RUNX1: variants seen among roughly 807,000 people sequenced by gnomAD.
RUNX1 encodes runt-related transcription factor 1.
A neutral mutation model predicts 42.8 loss-of-function variants in RUNX1; 19 were observed. The observed-to-expected ratio is 0.44, with a 90% CI of 0.31 to 0.65. The LOEUF is 0.65. Ranked by LOEUF, RUNX1 falls within the 30% of genes least tolerant of loss-of-function variation. The pLI, the probability that RUNX1 is intolerant of heterozygous loss-of-function variation, is 0.07. For synonymous variants in RUNX1, 271 were observed against 289.4 expected (o/e 0.94, Z 0.64); for missense variants, 528 against 672.0 (o/e 0.79, Z 2.37).
chr21:34,933,998 A>G (rs911201327), intron 2 of RUNX1, among the ~76,000 whole-genome samples: 1 of 152,176 alleles, frequency 6.6e-6, no homozygotes, highest in African/African-American at 2.4e-5. Context: ...TGCAGGGGGA[A>G]TTAATACTGT....
At chr21:35,043,267 A>G (rs2059372881) in intron 2 of RUNX1, among the ~76,000 whole-genome samples, 1 of 152,196 alleles carries the variant, frequency 6.6e-6, no homozygotes. Context: ...CAAGAAAGAC[A>G]TACCTCTTTG....
chr21:34,874,384 T>G (rs1601503318), intron 5 of RUNX1, among the ~76,000 whole-genome samples: 1 of 145,086 alleles, frequency 6.9e-6, no homozygotes, highest in African/African-American at 2.6e-5. Flanking sequence ...CCAAGGCAGG[T>G]GGACCACCCG....
chr21:34,886,538 TACTTTGTATCAAAGCTAAGGCCCCTGCC>T (rs2057990379), intron 4 of RUNX1, among the ~76,000 whole-genome samples: 1 of 152,274 alleles, frequency 6.6e-6, no homozygotes, highest in African/African-American at 2.4e-5. Context: ...TAACTTTTCC[TACTTTGTATCAAAGCTAAGGCCCCTGCC>T]AGGGAGGTCC....
chr21:34,928,249 A>G (rs1477394115), intron 2 of RUNX1, among the ~76,000 whole-genome samples: 2 of 152,150 alleles, frequency 1.3e-5, no homozygotes, highest in Non-Finnish European at 2.9e-5. Flanking sequence ...CATTGTGGAA[A>G]TTTCTGTTGC....
chr21:34,887,258 T>TGGG, intron 3 of RUNX1, 162 bp from the exon 4 acceptor site: 1 of 261,170 alleles, frequency 3.8e-6, no homozygotes, highest in Non-Finnish European at 4.9e-6. Flanking sequence ...GGGGCGGGGG[T>TGGG]GGTTAGGGGA....
chr21:35,002,403 TTTATTTATTTATTTATTTATTTA>T (rs1356906679), intron 2 of RUNX1, among the ~76,000 whole-genome samples: 1 of 148,806 alleles, frequency 6.7e-6, no homozygotes, highest in African/African-American at 2.5e-5. Context: ...TATTTATTTA[TTTATTTATTTATTTATTTATTTA>T]TTATTTATTT....
At chr21:34,798,651 TTTC>T (rs2056565118) in intron 8 of RUNX1, among the ~76,000 whole-genome samples, 1 of 152,224 alleles carries the variant, frequency 6.6e-6, no homozygotes, top group Non-Finnish European at 1.5e-5. Flanking sequence ...TATACAGACT[TTTC>T]TTCTTGTCAT....
At chr21:34,883,748 G>C (rs2057940451) in intron 4 of RUNX1, among the ~76,000 whole-genome samples, 1 of 152,108 alleles carries the variant, frequency 6.6e-6, no homozygotes, top group African/African-American at 2.4e-5. Context: ...TACTGTTCTT[G>C]GCTAGCCTGT....
chr21:34,874,677 TA>T (rs11311421), intron 5 of RUNX1, among the ~76,000 whole-genome samples: 62,273 of 139,866 alleles, frequency 0.45, 16,752 homozygotes, highest in African/African-American at 0.79. Flanking sequence ...AATTTTTCCT[TA>T]AAAAAAAAAC....
chr21:34,911,253 A>C (rs1394541568), intron 2 of RUNX1, among the ~76,000 whole-genome samples: 2 of 152,162 alleles, frequency 1.3e-5, no homozygotes, highest in East Asian at 3.8e-4. Context: ...TTGCTGAATA[A>C]AGGTTGATGA....
At chr21:34,795,382 C>T (rs2056511814) in intron 8 of RUNX1, among the ~76,000 whole-genome samples, 1 of 152,150 alleles carries the variant, frequency 6.6e-6, no homozygotes, top group African/African-American at 2.4e-5. Flanking sequence ...TCCTCCCTCC[C>T]TCTAATGGCC....
chr21:35,048,261 A>C (rs909862183), intron 2 of RUNX1, among the ~76,000 whole-genome samples: 2 of 152,244 alleles, frequency 1.3e-5, no homozygotes, highest in Non-Finnish European at 2.9e-5. Flanking sequence ...AACCTAACCA[A>C]GTCTGTCAGT....
intron 5 of RUNX1, among the ~76,000 whole-genome samples, chr21:34,871,462 C>T (rs1300903086): frequency 6.6e-6 from 1 of 152,176 alleles, no homozygotes; most frequent in African/African-American, 2.4e-5. Context: ...AGGAAACGGA[C>T]AAACAAACAA....
In RUNX1 at chr21:34,792,465, C is replaced by A. The variant is rs1348452375; in HGVS notation, c.1113G>T (p.Met371Ile). Residue 371 changes from methionine to isoleucine, a missense_variant, in exon 9 of 9, where the codon ATG becomes ATT. Met to Ile is a conservative substitution (Grantham distance 10). Transcript: ENST00000675419. This position sits in a 1 kb window ranked among gnomAD's most constrained non-coding sequence, Gnocchi z 6.9. ...TSGIGIGMSA[M>I]GSATRYHTYL... is the part of the protein sequence containing the mutation. The stretch of plus-strand genomic sequence containing the variant: ...AGGTGTGGTAGCGCGTGGCCGAGCC[C>A]ATGGCCGACATGCCGATGCCGATGC... 2 of 1,583,374 alleles carry A rather than the reference C, an allele frequency of 1.3e-6. No individual in the cohort carries two copies. The highest frequency in any genetic ancestry group is 1.7e-6 in the Non-Finnish European group (2 of 1,164,886).
chr21:34,888,725 G>A (rs2058035405), intron 3 of RUNX1: 5 of 1,020,280 alleles, frequency 4.9e-6, no homozygotes, highest in Non-Finnish European at 4.7e-6. Context: ...TGCTTTTACT[G>A]TAAGCCCGGC....
At chr21:34,865,619 C>G (rs1214179236) in intron 5 of RUNX1, among the ~76,000 whole-genome samples, 1 of 152,224 alleles carries the variant, frequency 6.6e-6, no homozygotes, top group East Asian at 1.9e-4. Context: ...CAGGGCCAGT[C>G]AGCGGGGAGG....
intron 2 of RUNX1, among the ~76,000 whole-genome samples, chr21:34,941,710 C>G (rs1458624058): frequency 6.6e-6 from 1 of 152,108 alleles, no homozygotes; most frequent in African/African-American, 2.4e-5. Context: ...TTTACTAAAG[C>G]CAGATAACTG....
intron 2 of RUNX1, among the ~76,000 whole-genome samples, chr21:34,961,631 C>G (rs2058682552): frequency 6.6e-6 from 1 of 152,098 alleles, no homozygotes; most frequent in African/African-American, 2.4e-5. Flanking sequence ...CAAGCAGTAG[C>G]AGCTCGTATA....
intron 2 of RUNX1, among the ~76,000 whole-genome samples, chr21:34,957,156 G>A (rs2058650460): frequency 6.6e-6 from 1 of 152,206 alleles, no homozygotes; most frequent in African/African-American, 2.4e-5. Context: ...CTGCCAAATA[G>A]GGAGAGAAAC....
Sources: gnomAD v4.1 joint callset for allele counts (sites outside exome capture counted in the v4.1 genomes callset) on GRCh38, gnomAD v4.1.1 for gene constraint, Gnocchi (gnomAD v3.1) non-coding constraint, MANE v1.5 for transcripts, NCBI Gene and HGNC (gene_info 2026-07-23, HGNC 2026-07-21) for gene names.